Variants in THSD4 observed in about 807,000 individuals in gnomAD.
The protein encoded by THSD4 is thrombospondin type-1 domain-containing protein 4.
Under a neutral mutation model 119.0 loss-of-function variants are expected in THSD4, and 69 were observed. The ratio of observed to expected loss-of-function variants is 0.58; its 90% CI spans 0.48 to 0.71. The LOEUF (loss-of-function observed/expected upper bound fraction) is 0.71. THSD4 is among the 30% of genes least tolerant of loss of function. The pLI is 0.00. For missense variants in THSD4, 1,393 were observed against 1,391.1 expected, an observed-to-expected ratio of 1.00 and a Z score of -0.02; for synonymous variants, 524 against 540.4, an observed-to-expected ratio of 0.97 and a Z score of 0.42.
intron 4 of THSD4, among the ~76,000 whole-genome samples, chr15:71,217,032 A>G (rs2043938667): frequency 6.6e-6 from 1 of 152,118 alleles, no homozygotes; most frequent in African/African-American, 2.4e-5. Context: ...CCTGACCTCA[A>G]GTGATCTGCC....
At chr15:71,313,784 A>G (rs1326749946) in intron 6 of THSD4, among the ~76,000 whole-genome samples, 1 of 152,114 alleles carries the variant, frequency 6.6e-6, no homozygotes, top group Non-Finnish European at 1.5e-5. Context: ...GTCTCCCTCC[A>G]TCTCCGCAGG....
intron 7 of THSD4, among the ~76,000 whole-genome samples, chr15:71,606,018 C>T (rs967328060): frequency 1.3e-5 from 2 of 152,108 alleles, no homozygotes; most frequent in African/African-American, 4.8e-5. Flanking sequence ...ATCACCTGGG[C>T]CAAGTGTTCT....
chr15:71,260,157 A>G (rs1468225178), intron 6 of THSD4, among the ~76,000 whole-genome samples: 1 of 152,118 alleles, frequency 6.6e-6, no homozygotes, highest in Non-Finnish European at 1.5e-5. Flanking sequence ...AACTTTGCTA[A>G]TGTTTTCATG....
intron 6 of THSD4, among the ~76,000 whole-genome samples, chr15:71,289,408 GGGGAAC>G (rs1156540283): frequency 1.3e-5 from 2 of 152,204 alleles, no homozygotes; most frequent in Non-Finnish European, 2.9e-5. Context: ...GAGGTCAGTT[GGGGAAC>G]ATGCCCCATC....
In THSD4 at chr15:71,681,359, T is replaced by C. The variant is rs567545946; in HGVS notation, c.1357+20625T>C. ...AAAAGACAATTTTTTTCTAGACTTATCAAGCCAACAATCAGTATCAAAAGT... is the reference window on the plus strand; with the variant it reads ...AAAAGACAATTTTTTTCTAGACTTACCAAGCCAACAATCAGTATCAAAAGT... On this transcript the variant is annotated intron_variant, in intron 8 of 17. Coordinates refer to ENST00000261862, the MANE Select transcript of THSD4 (RefSeq NM_024817.3). Among the ~76,000 whole-genome samples the C allele has an allele frequency of 7.9e-5, 12 of 152,256 alleles. No individual in the cohort carries two copies. In the South Asian group the frequency reaches 1.5e-3, roughly 18 times the overall value.
intron 6 of THSD4, among the ~76,000 whole-genome samples, chr15:71,388,127 C>G (rs749788047): frequency 1.3e-5 from 2 of 152,248 alleles, no homozygotes; most frequent in Non-Finnish European, 2.9e-5. Flanking sequence ...CAAGAACTTA[C>G]TTTACCTTCT....
intron 1 of THSD4, among the ~76,000 whole-genome samples, chr15:71,102,455 T>C (rs1160439093): frequency 6.6e-6 from 1 of 152,206 alleles, no homozygotes; most frequent in Non-Finnish European, 1.5e-5. Flanking sequence ...GATTAGATAA[T>C]TTCTATTGAT....
At chr15:71,553,720 A>G (rs1164931643) in intron 7 of THSD4, among the ~76,000 whole-genome samples, 1 of 152,116 alleles carries the variant, frequency 6.6e-6, no homozygotes, top group East Asian at 1.9e-4. Context: ...GTTTATTTCT[A>G]AGTTTTTATC....
intron 3 of THSD4, among the ~76,000 whole-genome samples, chr15:71,158,148 C>CTTTTTTTTTT (rs1193131967): frequency 1.2e-5 from 1 of 85,034 alleles, no homozygotes; most frequent in Non-Finnish European, 2.2e-5. Flanking sequence ...CAACACTTAT[C>CTTTTTTTTTT]TTTTTTTTTT....
chr15:71,677,195 T>C (rs576902130), intron 8 of THSD4, among the ~76,000 whole-genome samples: 8 of 152,342 alleles, frequency 5.3e-5, no homozygotes, highest in African/African-American at 1.9e-4. Flanking sequence ...CGCTGGGCTT[T>C]GTTACCTGCT....
At chr15:71,634,149 T>G (rs1213697791) in intron 7 of THSD4, among the ~76,000 whole-genome samples, 1 of 148,768 alleles carries the variant, frequency 6.7e-6, no homozygotes, top group South Asian at 2.1e-4. Flanking sequence ...ATCGCACCAT[T>G]GCACTCCAGC....
At chr15:71,196,515 A>G (rs189469520) in intron 3 of THSD4, among the ~76,000 whole-genome samples, 1 of 152,304 alleles carries the variant, frequency 6.6e-6, no homozygotes, top group Non-Finnish European at 1.5e-5. Flanking sequence ...GGAGACAGAG[A>G]GAGAAAAAGA....
At chr15:71,477,471 G>A (rs1000918904) in intron 7 of THSD4, among the ~76,000 whole-genome samples, 3 of 152,204 alleles carry the variant, frequency 2.0e-5, no homozygotes, top group African/African-American at 4.8e-5. Context: ...GAAAGGACGG[G>A]CGGACAGCAA....
At chr15:71,190,954 C>T (rs1211677185) in intron 3 of THSD4, among the ~76,000 whole-genome samples, 1 of 152,150 alleles carries the variant, frequency 6.6e-6, no homozygotes, top group South Asian at 2.1e-4. Flanking sequence ...ATGGCTGCCA[C>T]TCATGCTTTA....
intron 7 of THSD4, among the ~76,000 whole-genome samples, chr15:71,470,656 T>C (rs1280491243): frequency 6.7e-6 from 1 of 149,634 alleles, no homozygotes; most frequent in Non-Finnish European, 1.5e-5. Context: ...TGAGACGGAG[T>C]CTCGCTCTGT....
At chr15:71,413,930 A>G (rs570578541) in intron 7 of THSD4, among the ~76,000 whole-genome samples, 2 of 152,344 alleles carry the variant, frequency 1.3e-5, no homozygotes, top group African/African-American at 4.8e-5. Context: ...ACTGAACTAA[A>G]ATGATGGGCC....
chr15:71,239,686 A>G (rs1031475630), intron 4 of THSD4, among the ~76,000 whole-genome samples: 3 of 152,186 alleles, frequency 2.0e-5, no homozygotes, highest in African/African-American at 7.2e-5. Flanking sequence ...CGCCTACCAC[A>G]TGATTCTCCT....
At chr15:71,442,493 C>T (rs1222380122) in intron 7 of THSD4, among the ~76,000 whole-genome samples, 13 of 143,164 alleles carry the variant, frequency 9.1e-5, no homozygotes, top group African/African-American at 3.4e-4. Flanking sequence ...CGCTTGAACC[C>T]GGGAGGCAGA....
At chr15:71,214,570 C>T (rs2043914531) in intron 3 of THSD4, among the ~76,000 whole-genome samples, 1 of 152,244 alleles carries the variant, frequency 6.6e-6, no homozygotes, top group Non-Finnish European at 1.5e-5. Context: ...AAGGAACAAA[C>T]TCCGGACACA....
Sources: allele counts gnomAD v4.1 joint callset (sites outside exome capture counted in the v4.1 genomes callset), GRCh38; gene constraint gnomAD v4.1.1; transcripts MANE v1.5; gene names NCBI Gene and HGNC (gene_info 2026-07-23, HGNC 2026-07-21).